RAB3GAP2: variants seen among roughly 807,000 people sequenced by gnomAD.
RAB3GAP2 encodes the protein RAB3 GTPase activating non-catalytic protein subunit 2.
Under a neutral mutation model 185.3 loss-of-function variants are expected in RAB3GAP2, and 87 were observed. That is an observed-to-expected ratio of 0.47 (90% confidence interval 0.39 to 0.56). The LOEUF (loss-of-function observed/expected upper bound fraction) is 0.56, where lower values mean the gene tolerates loss of function less well. RAB3GAP2 is among the 20% of genes least tolerant of loss of function. RAB3GAP2 has a pLI of 0.00. For synonymous variants in RAB3GAP2, 554 were observed against 576.1 expected (o/e 0.96, Z 0.55); for missense variants, 1,492 against 1,638.2 (o/e 0.91, Z 1.54).
intron 1 of RAB3GAP2, chr1:220,254,332 TC>T (rs1158009308): frequency 6.2e-7 from 1 of 1,613,382 alleles, no homozygotes; most frequent in African/African-American, 1.3e-5. Context: ...TGCACCCATG[TC>T]CCAGGTGTAT....
Position 220,193,391 on chromosome 1 carries a change from A to T in RAB3GAP2, c.1131-12T>A. Reference sequence around the variant, plus strand: ...CTGGAAGTCCAAATCTGATATTTAAAAGAAAATAAAATGCTCAAATCACAT... The same window carrying T: ...CTGGAAGTCCAAATCTGATATTTAATAGAAAATAAAATGCTCAAATCACAT... On this transcript the variant is annotated splice_polypyrimidine_tract_variant and intron_variant, in intron 12 of 34. Transcript: ENST00000358951. 1.9e-6 allele frequency: 3 copies of T among 1,612,116 alleles called. No homozygotes were observed. The highest frequency in any genetic ancestry group is 2.5e-6 in the Non-Finnish European group (3 of 1,178,948).
At chr1:220,245,580 G>A (rs899422840) in intron 1 of RAB3GAP2, among the ~76,000 whole-genome samples, 4 of 152,106 alleles carry the variant, frequency 2.6e-5, no homozygotes, top group Admixed American at 6.5e-5. Flanking sequence ...AGGAGGCAGC[G>A]AGGCTGGGGG....
At chr1:220,159,251 C>G (rs929847490) in intron 29 of RAB3GAP2, 135 bp downstream of exon 29, 16 of 749,808 alleles carry the variant, frequency 2.1e-5, no homozygotes, top group African/African-American at 7.0e-5. Context: ...GCAGTATTCT[C>G]TTTTCATTTT....
intron 1 of RAB3GAP2, chr1:220,253,428 G>C (rs1659974371): frequency 7.4e-7 from 1 of 1,350,042 alleles, no homozygotes. Flanking sequence ...AGAGTGGCCA[G>C]ACTGTTAAAA....
At chr1:220,262,874 A>G (rs974219964) in intron 1 of RAB3GAP2, among the ~76,000 whole-genome samples, 8 of 151,978 alleles carry the variant, frequency 5.3e-5, no homozygotes, top group African/African-American at 1.7e-4. Context: ...TTTTTTGAGG[A>G]ACTCTTATTT....
chr1:220,151,641 G>T lies in RAB3GAP2; in HGVS notation c.3991C>A (p.Leu1331Ile), dbSNP rs149842844. ...TKEGMELLAR[L>I]PPTLCTWLKA... ...AGCCAAGTACACAGTGTGGGTGGAA[G>T]TCTGGCAAGCAGCTCCATTCCTTCT... Residue 1331 changes from leucine (L) to isoleucine (I), a missense_variant, in exon 34 of 35, where the codon CTT (leucine) becomes ATT (isoleucine). Leu to Ile is a conservative substitution (Grantham distance 5). Transcript: ENST00000358951. 5.7e-4 allele frequency: 924 copies of T among 1,612,332 alleles called. 3 individuals carry two copies. The highest frequency in any genetic ancestry group is 3.8e-3 in the Admixed American group (227 of 60,012).
At chr1:220,197,100 C>G (rs1658743291) in intron 9 of RAB3GAP2, among the ~76,000 whole-genome samples, 2 of 151,914 alleles carry the variant, frequency 1.3e-5, no homozygotes, top group South Asian at 4.2e-4. Context: ...GATTCTCTTG[C>G]CTCAGCCTCC....
intron 1 of RAB3GAP2, chr1:220,254,299 G>A (rs1398174309): frequency 5.5e-5 from 88 of 1,613,390 alleles, no homozygotes; most frequent in African/African-American, 6.7e-5. Context: ...ACAGTATGCC[G>A]AAATTCTTGC....
intron 9 of RAB3GAP2, chr1:220,200,500 C>A (rs763017365): frequency 2.0e-6 from 1 of 492,572 alleles, no homozygotes; most frequent in East Asian, 5.6e-5. Flanking sequence ...AACCAGACCT[C>A]TACATAAAGA....
rs775584412 is a variant in RAB3GAP2 at position 220,182,698 on chromosome 1, CAGTG to C, written c.2212+16_2212+19del. On this transcript the variant is annotated intron_variant, in intron 20 of 34. Transcript: ENST00000358951. ...TCTAAAAGAAGAGGCATACAAAGACCAGTGTATTATTTTACCTACCTAAAGCCAC... is the reference window on the plus strand; with the variant it reads ...TCTAAAAGAAGAGGCATACAAAGACCTATTATTTTACCTACCTAAAGCCAC... 1 of 1,513,508 alleles carries C rather than the reference CAGTG, an allele frequency of 6.6e-7. No homozygotes were observed. The highest frequency in any genetic ancestry group is 8.9e-7 in the Non-Finnish European group (1 of 1,118,926). 93.8% of individuals were successfully genotyped at this position (1,513,508 alleles called of 1,614,324 possible).
At chr1:220,263,853 G>A (rs1660183494) in intron 1 of RAB3GAP2, among the ~76,000 whole-genome samples, 1 of 151,970 alleles carries the variant, frequency 6.6e-6, no homozygotes, top group Non-Finnish European at 1.5e-5. Context: ...AGTCTTACAG[G>A]AGAATGACCT....
intron 18 of RAB3GAP2, among the ~76,000 whole-genome samples, chr1:220,185,301 T>C (rs1168851651): frequency 6.6e-6 from 1 of 152,170 alleles, no homozygotes; most frequent in Non-Finnish European, 1.5e-5. Context: ...ATAATCTGAT[T>C]GTTGATTGTG....
chr1:220,227,581 CTT>C (rs979680283), intron 2 of RAB3GAP2, among the ~76,000 whole-genome samples: 1 of 152,124 alleles, frequency 6.6e-6, no homozygotes, highest in African/African-American at 2.4e-5. Context: ...CTCCTTTCCT[CTT>C]TGCTTCCCCT....
At chr1:220,166,806 T>G (rs1658076867) in intron 26 of RAB3GAP2, among the ~76,000 whole-genome samples, 1 of 152,202 alleles carries the variant, frequency 6.6e-6, no homozygotes, top group African/African-American at 2.4e-5. Context: ...AAATACATAT[T>G]TGAACAATCA....
At chr1:220,250,064 G>A (rs1435442894) in intron 1 of RAB3GAP2, among the ~76,000 whole-genome samples, 1 of 152,152 alleles carries the variant, frequency 6.6e-6, no homozygotes, top group South Asian at 2.1e-4. Context: ...TGTGAGAAGA[G>A]GGCCATTGTT....
rs185174587 is a variant in RAB3GAP2 at position 220,245,439 on chromosome 1, C to A, written c.116-12576G>T. Among the ~76,000 whole-genome samples the A allele has an allele frequency of 4.0e-3, 605 of 152,292 alleles. 2 individuals carry two copies. The highest frequency in any genetic ancestry group is 6.9e-3 in the Non-Finnish European group (470 of 68,024). On this transcript the variant is annotated intron_variant, in intron 1 of 34. Transcript: ENST00000358951. ...CCTGGAAAATCGGGTCACTCCCACCCGAATATTGCGCTTTTCAGACAGGCT... is the reference window on the plus strand; with the variant it reads ...CCTGGAAAATCGGGTCACTCCCACCAGAATATTGCGCTTTTCAGACAGGCT...
Position 220,182,341 on chromosome 1 carries a change from A to G in RAB3GAP2, c.2226T>C (p.Phe742=), listed in dbSNP as rs747330017. ...AGCTTTCTCCATGCAAACACTTCCAAAAAAAGAAACTACCTGGTAGAAGAA... is the reference window on the plus strand; with the variant it reads ...AGCTTTCTCCATGCAAACACTTCCAGAAAAAGAAACTACCTGGTAGAAGAA... The part of the protein sequence containing the change: ...EEYVALGSFF[F]WKCLHGESST... The change falls in exon 21 of 35, where the codon TTT becomes TTC. Residue 742 remains phenylalanine, a synonymous_variant. Transcript: ENST00000358951. The G allele has an allele frequency of 2.5e-6, 4 of 1,614,098 alleles. No homozygotes were observed. The Admixed American group carries it at 5.0e-5, about 20-fold the overall frequency.
intron 7 of RAB3GAP2, among the ~76,000 whole-genome samples, chr1:220,207,125 T>C (rs1658983556): frequency 6.6e-6 from 1 of 152,238 alleles, no homozygotes; most frequent in Non-Finnish European, 1.5e-5. Flanking sequence ...TAACATATTT[T>C]CATCATTATA....
chr1:220,210,933 G>GATGACTCTT (rs776790467), intron 5 of RAB3GAP2, 22 bp downstream of exon 5: 1 of 1,613,886 alleles, frequency 6.2e-7, no homozygotes, highest in Non-Finnish European at 8.5e-7. Context: ...AAAGAAAACA[G>GATGACTCTT]ATGACTCTTA....
Sources: allele counts gnomAD v4.1 joint callset (sites outside exome capture counted in the v4.1 genomes callset), GRCh38; gene constraint gnomAD v4.1.1; transcripts MANE v1.5; gene names NCBI Gene and HGNC (gene_info 2026-07-23, HGNC 2026-07-21).